CTNNA2: variants seen among roughly 807,000 people sequenced by gnomAD.
CTNNA2 encodes catenin alpha 2, also known as catenin alpha-2.
Under a neutral mutation model 101.0 loss-of-function variants are expected in CTNNA2, and 42 were observed. The ratio of observed to expected loss-of-function variants is 0.42; its 90% confidence interval spans 0.32 to 0.54. CTNNA2 has a LOEUF of 0.54. Among genes scored for constraint, CTNNA2 ranks in the 20% least tolerant of loss-of-function variants. The pLI is 0.14. For synonymous variants in CTNNA2, 450 were observed against 456.4 expected (o/e 0.99, Z 0.18); for missense variants, 871 against 1,223.1 (o/e 0.71, Z 4.29).
intron 7 of CTNNA2, among the ~76,000 whole-genome samples, chr2:80,307,627 A>G (rs969041526): frequency 2.0e-4 from 31 of 152,202 alleles, no homozygotes; most frequent in African/African-American, 6.0e-4. Flanking sequence ...CCGGGTGACC[A>G]TAGATTTCTG....
chr2:79,338,071 C>T (rs1049902125), intron 3 of CTNNA2, among the ~76,000 whole-genome samples: 3 of 151,626 alleles, frequency 2.0e-5, no homozygotes, highest in African/African-American at 4.8e-5. Context: ...CATGGAGAAA[C>T]CCCATCTCTA....
At chr2:80,606,414 C>CACACACACACCCA (rs1558638318) in intron 16 of CTNNA2, among the ~76,000 whole-genome samples, 3 of 51,634 alleles carry the variant, frequency 5.8e-5, no homozygotes, top group East Asian at 4.9e-4. Flanking sequence ...ACACACACAC[C>CACACACACACCCA]CCCCAGGATA....
chr2:80,274,189 C>G (rs77810482), intron 7 of CTNNA2, among the ~76,000 whole-genome samples: 3,340 of 152,088 alleles, frequency 0.022, 45 homozygotes, highest in South Asian at 0.042. Context: ...TGAAAAAGGC[C>G]GAGACAATAG....
At chr2:80,374,682 C>T (rs61622268) in intron 7 of CTNNA2, among the ~76,000 whole-genome samples, 44,349 of 133,334 alleles carry the variant, frequency 0.33, 7,838 homozygotes, top group African/African-American at 0.54. Flanking sequence ...TGCGTGCGTG[C>T]GTGTGTGTGT....
At chr2:80,491,418 T>G (rs1462633724) in intron 9 of CTNNA2, among the ~76,000 whole-genome samples, 2 of 152,230 alleles carry the variant, frequency 1.3e-5, no homozygotes, top group Admixed American at 1.3e-4. Flanking sequence ...CTGTTCCATG[T>G]GTAGTTAGAC....
rs756658711 is a variant in CTNNA2 at position 80,619,253 on chromosome 2, A to G, written c.2574+25A>G. On this transcript the variant is annotated intron_variant, in intron 18 of 18. Coordinates refer to ENST00000402739, the MANE Select transcript of CTNNA2 (RefSeq NM_001282597.3). ...GGTGAGTAAATTGACTTTCTAATCT[A>G]ATGTCTTTCATTGTAATCATGAATT... 6.0e-6 allele frequency: 9 copies of G among 1,495,890 alleles called. No individual in the cohort carries two copies. In the Admixed American group the frequency reaches 2.0e-4, roughly 33 times the overall value. The allele number at this position is 1,495,890 out of a possible 1,614,324, so 92.7% of individuals were successfully genotyped here.
intron 4 of CTNNA2, among the ~76,000 whole-genome samples, chr2:79,497,541 T>C (rs1671271797): frequency 1.3e-5 from 2 of 152,198 alleles, no homozygotes; most frequent in Non-Finnish European, 2.9e-5. Context: ...CAGATAATGT[T>C]AACCATTTCT....
At chr2:80,476,733 A>T (rs1237757769) in intron 9 of CTNNA2, among the ~76,000 whole-genome samples, 5 of 152,144 alleles carry the variant, frequency 3.3e-5, no homozygotes. Context: ...AGACATAAGG[A>T]GCAGTCTCTT....
intron 7 of CTNNA2, chr2:80,313,242 C>G (rs1458451317): frequency 2.5e-6 from 1 of 404,760 alleles, no homozygotes; most frequent in Non-Finnish European, 3.7e-6. Flanking sequence ...ATGCATTTAT[C>G]TCTTCATTCA....
chr2:79,445,457 C>G (rs549538556), intron 4 of CTNNA2, among the ~76,000 whole-genome samples: 1 of 152,268 alleles, frequency 6.6e-6, no homozygotes, highest in South Asian at 2.1e-4. Context: ...TTCTGAGCCT[C>G]AAAGTGATTT....
intron 2 of CTNNA2, among the ~76,000 whole-genome samples, chr2:79,251,408 G>A (rs1674769554): frequency 6.6e-6 from 1 of 152,100 alleles, no homozygotes. Context: ...CCTCTAAGAG[G>A]ACCCTACTCA....
At chr2:79,593,348 A>G (rs935316044) in intron 1 of CTNNA2, among the ~76,000 whole-genome samples, 19 of 152,206 alleles carry the variant, frequency 1.2e-4, no homozygotes, top group Admixed American at 6.5e-5. Context: ...GTTGAGGACA[A>G]TTATGGTCAC....
intron 11 of CTNNA2, among the ~76,000 whole-genome samples, chr2:80,548,978 A>C (rs914908267): frequency 3.9e-5 from 6 of 152,210 alleles, no homozygotes; most frequent in African/African-American, 1.4e-4. Context: ...TGTTTTTAAA[A>C]GATTGTAGTT....
intron 2 of CTNNA2, chr2:79,687,444 CT>C (rs35164413): frequency 0.022 from 8,977 of 412,464 alleles, no homozygotes; most frequent in South Asian, 0.035. Context: ...TTTGGATCTG[CT>C]TTTTTTTTTT....
At chr2:80,646,455 C>T (rs1435627314) in intron 18 of CTNNA2, among the ~76,000 whole-genome samples, 1 of 152,060 alleles carries the variant, frequency 6.6e-6, no homozygotes, top group South Asian at 2.1e-4. Context: ...TTCACTAGCT[C>T]ACATGTAGAC....
chr2:79,525,363 C>T (rs1672345705), intron 1 of CTNNA2, among the ~76,000 whole-genome samples: 1 of 151,922 alleles, frequency 6.6e-6, no homozygotes, highest in African/African-American at 2.4e-5. Context: ...AAATCTTTCA[C>T]TGATTATACA....
chr2:80,319,514 C>T (rs1678473733), intron 7 of CTNNA2, among the ~76,000 whole-genome samples: 1 of 152,148 alleles, frequency 6.6e-6, no homozygotes, highest in Admixed American at 6.6e-5. Context: ...GTATACCACT[C>T]AGGATATTAT....
rs565924440 is a variant in CTNNA2, at chr2:79,730,112, G to A, written c.103-14275G>A. On this transcript the variant is annotated intron_variant, in intron 2 of 18. Coordinates refer to ENST00000402739, the MANE Select transcript of CTNNA2 (RefSeq NM_001282597.3). Reference sequence around the variant, plus strand: ...ATTATCTTAGGGTAATAAACCACAAGTGTCGGACAAATTAAAACCTGAATT... The same window carrying A: ...ATTATCTTAGGGTAATAAACCACAAATGTCGGACAAATTAAAACCTGAATT... Among the ~76,000 whole-genome samples the A allele has an allele frequency of 2.6e-5, 4 of 152,188 alleles. No homozygotes were observed. In the Middle Eastern group the frequency reaches 0.01, roughly 388 times the overall value.
chr2:80,509,416 G>C (rs1688528140), intron 9 of CTNNA2, among the ~76,000 whole-genome samples: 1 of 152,154 alleles, frequency 6.6e-6, no homozygotes, highest in African/African-American at 2.4e-5. Context: ...GATACACCAT[G>C]AAGTAATACT....
Sources: gnomAD v4.1 joint callset for allele counts (sites outside exome capture counted in the v4.1 genomes callset) on GRCh38, gnomAD v4.1.1 for gene constraint, MANE v1.5 for transcripts, NCBI Gene and HGNC (gene_info 2026-07-23, HGNC 2026-07-21) for gene names.